The following LARGE1 variants were observed in gnomAD, a reference collection of about 807,000 sequenced individuals.
The protein encoded by LARGE1 is xylosyl- and glucuronyltransferase LARGE1.
Under a neutral mutation model 87.6 loss-of-function variants are expected in LARGE1, and 43 were observed. The ratio of observed to expected loss-of-function variants is 0.49; its 90% CI spans 0.38 to 0.63. The LOEUF is 0.63. LARGE1 is among the 30% of genes least tolerant of loss of function. LARGE1 has a pLI of 0.00. For synonymous variants in LARGE1, 434 were observed against 394.6 expected, an observed-to-expected ratio of 1.10 and a Z score of -1.18; for missense variants, 802 against 1,000.2, an observed-to-expected ratio of 0.80 and a Z score of 2.67.
intron 1 of LARGE1, among the ~76,000 whole-genome samples, chr22:33,843,761 G>A (rs561692030): frequency 6.6e-6 from 1 of 152,200 alleles, no homozygotes; most frequent in East Asian, 1.9e-4. Flanking sequence ...GAGAATATAT[G>A]TGCAACTCTG....
chr22:33,435,886 G>A (rs777823420), intron 6 of LARGE1, among the ~76,000 whole-genome samples: 5 of 152,020 alleles, frequency 3.3e-5, no homozygotes, highest in Non-Finnish European at 5.9e-5. Context: ...ATCCATTGGT[G>A]AGAAAAAAAC....
intron 2 of LARGE1, among the ~76,000 whole-genome samples, chr22:33,754,397 G>A (rs1434800078): frequency 6.6e-6 from 1 of 151,274 alleles, no homozygotes; most frequent in Non-Finnish European, 1.5e-5. Context: ...AGTGCAGGGC[G>A]CCATCTCGGC....
downstream of LARGE1, among the ~76,000 whole-genome samples, chr22:33,160,093 A>C (rs576299380): frequency 1.3e-5 from 2 of 152,372 alleles, no homozygotes; most frequent in South Asian, 4.1e-4. Context: ...AAAGTAGCAT[A>C]ATCCACTTCA....
chr22:33,239,575 G>A (rs547821957), intron 11 of LARGE1, among the ~76,000 whole-genome samples: 1 of 109,712 alleles, frequency 9.1e-6, no homozygotes, highest in Non-Finnish European at 1.7e-5. Context: ...GTCTCACTCT[G>A]TCACCCAGGC....
intron 7 of LARGE1, among the ~76,000 whole-genome samples, chr22:33,385,000 G>A (rs2065275446): frequency 6.7e-6 from 1 of 148,604 alleles, no homozygotes; most frequent in African/African-American, 2.4e-5. Context: ...GATGATTACT[G>A]ACAAGCCATA....
intron 6 of LARGE1, among the ~76,000 whole-genome samples, chr22:33,495,358 A>G (rs1296624648): frequency 6.6e-6 from 1 of 152,168 alleles, no homozygotes; most frequent in African/African-American, 2.4e-5. Flanking sequence ...TGGTCGCCTT[A>G]TGCAGTGCAT....
intron 6 of LARGE1, among the ~76,000 whole-genome samples, chr22:33,502,713 C>G (rs948884104): frequency 6.6e-6 from 1 of 152,030 alleles, no homozygotes; most frequent in South Asian, 2.1e-4. Context: ...GGACTACAGG[C>G]GCCTGCCACC....
At chr22:33,669,578 A>G (rs1040198779) in intron 2 of LARGE1, among the ~76,000 whole-genome samples, 4 of 152,186 alleles carry the variant, frequency 2.6e-5, no homozygotes, top group African/African-American at 4.8e-5. Context: ...CTGATGTTCT[A>G]TTAGTTCCAG....
At chr22:33,848,799 T>C (rs935505741) in intron 1 of LARGE1, among the ~76,000 whole-genome samples, 84 of 152,344 alleles carry the variant, frequency 5.5e-4, no homozygotes, top group African/African-American at 1.9e-3. Context: ...GGTCAGGTCC[T>C]TGATCTGTCC....
intron 6 of LARGE1, among the ~76,000 whole-genome samples, chr22:33,484,072 A>G (rs114190263): frequency 0.013 from 1,913 of 152,296 alleles, 49 homozygotes; most frequent in African/African-American, 0.043. Context: ...CGGGCTGTAC[A>G]CGTGACACCT....
chr22:33,261,773 C>T (rs1308342706), intron 11 of LARGE1, among the ~76,000 whole-genome samples: 1 of 152,132 alleles, frequency 6.6e-6, no homozygotes, highest in African/African-American at 2.4e-5. Flanking sequence ...GAAAATAATG[C>T]TCTTTTTGCC....
chr22:33,699,250 C>T (rs769860720), intron 2 of LARGE1, among the ~76,000 whole-genome samples: 42 of 152,230 alleles, frequency 2.8e-4, no homozygotes, highest in Non-Finnish European at 2.9e-5. Context: ...GGAGACCACA[C>T]AGCAGGGGTA....
chr22:33,900,369 T>C (rs779443075), intron 1 of LARGE1, among the ~76,000 whole-genome samples: 2 of 152,170 alleles, frequency 1.3e-5, no homozygotes, highest in Admixed American at 6.5e-5. Flanking sequence ...GGACTTACAA[T>C]TGAAAATTCT....
chr22:33,539,751 G>T (rs992415269), intron 6 of LARGE1, among the ~76,000 whole-genome samples: 2 of 83,298 alleles, frequency 2.4e-5, no homozygotes, highest in Non-Finnish European at 5.4e-5. Context: ...GCTAATTTTT[G>T]TATTTTTTTG....
intron 6 of LARGE1, among the ~76,000 whole-genome samples, chr22:33,510,292 C>A (rs574929870): frequency 5.3e-5 from 8 of 152,288 alleles, no homozygotes; most frequent in African/African-American, 1.9e-4. Flanking sequence ...GGTCCCAAGT[C>A]TCCTCTAAGC....
intron 6 of LARGE1, among the ~76,000 whole-genome samples, chr22:33,519,019 C>A (rs2071439908): frequency 6.6e-6 from 1 of 152,014 alleles, no homozygotes; most frequent in Non-Finnish European, 1.5e-5. Flanking sequence ...AACAAGACAG[C>A]TAGTTGGAAT....
the LARGE1 span, among the ~76,000 whole-genome samples, chr22:33,150,288 A>G: frequency 3.3e-5 from 5 of 151,994 alleles, no homozygotes; most frequent in Admixed American, 3.3e-4. Context: ...CATTTTAGTC[A>G]GTAGGAGAGA....
intron 11 of LARGE1, among the ~76,000 whole-genome samples, chr22:33,167,304 T>G (rs1922325909): frequency 6.6e-6 from 1 of 152,222 alleles, no homozygotes. Flanking sequence ...ACTTCAATTT[T>G]ACAACTTACA....
At position 33,502,877 on chromosome 22, in the gene LARGE1, G is replaced by A. The variant is rs142569104; in HGVS notation, c.787+61971C>T. Among the ~76,000 whole-genome samples the A allele has an allele frequency of 1.1e-4, 16 of 150,312 alleles. 1 individual carries two copies. Among genetic ancestry groups the A allele is most frequent in the African/African-American group, 3.6e-4 (15 of 41,320 alleles). ...GCAGAAATTGAAGCACAAGTGCTGG[G>A]TGAATGAAAGAGTCCCTGCTATGCT... On this transcript the variant is annotated intron_variant, in intron 6 of 14. Coordinates refer to ENST00000397394, the MANE Select transcript of LARGE1 (RefSeq NM_133642.5).
Sources: gnomAD v4.1 joint callset for allele counts (sites outside exome capture counted in the v4.1 genomes callset) on GRCh38, gnomAD v4.1.1 for gene constraint, MANE v1.5 for transcripts, NCBI Gene and HGNC (gene_info 2026-07-23, HGNC 2026-07-21) for gene names.